ALOX5: variants seen among roughly 807,000 people sequenced by gnomAD.
The protein encoded by ALOX5 is arachidonate 5-lipoxygenase, also known as polyunsaturated fatty acid 5-lipoxygenase.
In ALOX5, 64 loss-of-function variants were observed where a neutral mutation model predicts 87.9. The observed-to-expected ratio is 0.73, with a 90% CI of 0.60 to 0.90. ALOX5 has a LOEUF of 0.90. Among genes scored for constraint, ALOX5 ranks in the 40% least tolerant of loss-of-function variants. ALOX5 has a pLI of 0.00. For synonymous variants in ALOX5, 388 were observed against 355.1 expected (o/e 1.09, Z -1.04); for missense variants, 822 against 907.5 (o/e 0.91, Z 1.21).
intron 7 of ALOX5, among the ~76,000 whole-genome samples, chr10:45,433,670 T>C (rs993438168): frequency 6.6e-6 from 1 of 152,134 alleles, no homozygotes; most frequent in Non-Finnish European, 1.5e-5. Context: ...TATCTTGAAG[T>C]GGGGGTGGGC....
Position 45,425,456 on chromosome 10 carries a change from G to A in ALOX5, c.834+324G>A, listed in dbSNP as rs1227418756. Among the ~76,000 whole-genome samples the A allele has an allele frequency of 6.6e-6, 1 of 152,190 alleles. No homozygotes were observed. Among genetic ancestry groups the A allele is most frequent in the East Asian group, 1.9e-4 (1 of 5,200 alleles). On this transcript the variant is annotated intron_variant, in intron 6 of 13. Coordinates refer to ENST00000374391, the MANE Select transcript of ALOX5 (RefSeq NM_000698.5). This position sits in a 1 kb window ranked among gnomAD's most constrained non-coding sequence, Gnocchi z 4.4. ...AGGGGCCTGTGGTGGGACAGGCATT[G>A]TGACAGGTGCTTTACACACAAGGTC...
intron 10 of ALOX5, 68 bp from the exon 11 acceptor site, chr10:45,443,348 G>C: frequency 6.3e-7 from 1 of 1,591,508 alleles, no homozygotes; most frequent in Non-Finnish European, 8.6e-7. Context: ...TCCGTGAGGG[G>C]GTTGCCGCCG....
intron 7 of ALOX5, among the ~76,000 whole-genome samples, chr10:45,431,041 G>T (rs1441775015): frequency 1.3e-5 from 2 of 152,132 alleles, no homozygotes; most frequent in African/African-American, 4.8e-5. Flanking sequence ...ACCAAGCAGG[G>T]TTTATTCCAG....
intron 1 of ALOX5, among the ~76,000 whole-genome samples, chr10:45,378,217 A>G (rs1052061764): frequency 1.4e-4 from 22 of 152,192 alleles, no homozygotes; most frequent in African/African-American, 5.3e-4. Flanking sequence ...ATGCCACTCC[A>G]CATTGCCCCT....
chr10:45,383,185 G>C (rs1384478771), intron 2 of ALOX5, among the ~76,000 whole-genome samples: 1 of 152,262 alleles, frequency 6.6e-6, no homozygotes, highest in Non-Finnish European at 1.5e-5. Context: ...GGACAAGCCT[G>C]CAAATCACAG....
At position 45,387,115 on chromosome 10, in the gene ALOX5, G is replaced by A. The variant is rs74128484; in HGVS notation, c.349+4434G>A. On this transcript the variant is annotated intron_variant, in intron 2 of 13. Transcript: ENST00000374391. Reference sequence around the variant, plus strand: ...TCTCCCCAAATGCACACCATGACCCGGAGAAGTAGGCATTATCATCTCCAT... The same window carrying A: ...TCTCCCCAAATGCACACCATGACCCAGAGAAGTAGGCATTATCATCTCCAT... Among the ~76,000 whole-genome samples, 535 of 152,288 alleles carry A rather than the reference G, an allele frequency of 3.5e-3. 3 individuals carry two copies. Among genetic ancestry groups the A allele is most frequent in the African/African-American group, 0.012 (493 of 41,564 alleles).
At chr10:45,393,783 G>A (rs1046644594) in intron 2 of ALOX5, among the ~76,000 whole-genome samples, 19 of 152,142 alleles carry the variant, frequency 1.2e-4, no homozygotes, top group African/African-American at 4.1e-4. Flanking sequence ...CAATGTGCAA[G>A]AATCACAAGC....
At chr10:45,411,781 T>C (rs1841073102) in intron 3 of ALOX5, among the ~76,000 whole-genome samples, 2 of 152,184 alleles carry the variant, frequency 1.3e-5, no homozygotes, top group Admixed American at 6.5e-5. Context: ...ACTGATCAAG[T>C]TGGCAGAATG....
rs957478833 is a variant in ALOX5, at chr10:45,443,644, G to A, written c.1574-84G>A. 5 of 1,593,350 alleles carry A rather than the reference G, an allele frequency of 3.1e-6. No individual in the cohort carries two copies. The African/African-American group carries it at 6.7e-5, about 21-fold the overall frequency. ...TGCCCAGGGTGCCCTCCGGCCTTGG[G>A]GCAGGGAATCCGGGCACGGGGTGGG... On this transcript the variant is annotated intron_variant, in intron 11 of 13. Coordinates refer to ENST00000374391, the MANE Select transcript of ALOX5 (RefSeq NM_000698.5).
intron 3 of ALOX5, among the ~76,000 whole-genome samples, chr10:45,405,624 C>T (rs913654173): frequency 3.2e-4 from 49 of 152,196 alleles, no homozygotes; most frequent in African/African-American, 1.1e-3. Context: ...TTTTGGGTTT[C>T]CTCCTTTGCT....
chr10:45,393,010 A>G (rs996856508), intron 2 of ALOX5, among the ~76,000 whole-genome samples: 3 of 152,206 alleles, frequency 2.0e-5, no homozygotes, highest in Non-Finnish European at 4.4e-5. Context: ...TCACAGCCGA[A>G]TTCTACCAGA....
Position 45,428,705 on chromosome 10 carries a change from G to T in ALOX5, c.922G>T (p.Ala308Ser), listed in dbSNP as rs28395872. The T allele has an allele frequency of 9.9e-6, 16 of 1,614,024 alleles. No individual in the cohort carries two copies. The Admixed American group carries it at 2.3e-4, about 24-fold the overall frequency. The change falls in exon 7 of 14, where the codon GCT (alanine) becomes TCT (serine). Residue 308 changes from alanine to serine, a missense_variant. Physicochemically the swap from Ala to Ser is moderately conservative, Grantham distance 99. Coordinates refer to ENST00000374391, the MANE Select transcript of ALOX5 (RefSeq NM_000698.5). The stretch of plus-strand genomic sequence containing the variant: ...CCCCTGCACACTCCAGTTCCTGGCC[G>T]CTCCCATCTGCTTGCTGTATAAGAA... Reference protein sequence around the residue: ...TDPCTLQFLAAPICLLYKNLA... With the variant: ...TDPCTLQFLASPICLLYKNLA...
In ALOX5 at chr10:45,443,720, C is replaced by T; in HGVS notation, c.1574-8C>T. 1 of 1,610,722 alleles carries T rather than the reference C, an allele frequency of 6.2e-7. No individual in the cohort carries two copies. Among genetic ancestry groups the T allele is most frequent in the Non-Finnish European group, 8.5e-7 (1 of 1,178,876 alleles). On this transcript the variant is annotated splice_region_variant and splice_polypyrimidine_tract_variant and intron_variant, in intron 11 of 13. Coordinates refer to ENST00000374391, the MANE Select transcript of ALOX5 (RefSeq NM_000698.5). ...CTGGGCCTCAGCCCGCCGGTGGTTC[C>T]ACCCTAGGCTTCCCCAAGTCGGTCA...
rs137888527 is a variant in ALOX5 at position 45,432,981 on chromosome 10, A to T, written c.981+4217A>T. Among the ~76,000 whole-genome samples the T allele has an allele frequency of 2.6e-3, 399 of 152,376 alleles. 2 individuals are homozygous for T. The highest frequency in any genetic ancestry group is 8.7e-3 in the African/African-American group (361 of 41,580). On this transcript the variant is annotated intron_variant, in intron 7 of 13. Transcript: ENST00000374391. ...CGGGAAAATACCAATACTCCAGTGG[A>T]AAAATGAGCAGAGAATATGAATAGG...
chr10:45,429,098 G>C (rs1034556712), intron 7 of ALOX5, among the ~76,000 whole-genome samples: 1 of 152,200 alleles, frequency 6.6e-6, no homozygotes, highest in African/African-American at 2.4e-5. Flanking sequence ...TGGAGACCAA[G>C]ACCACTGAGG....
chr10:45,438,775 A>T (rs1842134000), intron 7 of ALOX5, among the ~76,000 whole-genome samples: 1 of 152,260 alleles, frequency 6.6e-6, no homozygotes, highest in African/African-American at 2.4e-5. Context: ...AAACCAGGTC[A>T]TTCAAATTTT....
chr10:45,445,833 G>C lies in ALOX5; in HGVS notation c.*146G>C. 1 of 885,438 alleles carries C rather than the reference G, an allele frequency of 1.1e-6. No individual in the cohort carries two copies. The highest frequency in any genetic ancestry group is 2.7e-5 in the Admixed American group (1 of 37,268). The allele number at this position is 885,438 out of a possible 1,614,324, so 54.8% of individuals were successfully genotyped here. A position where few individuals can be genotyped will look rare whatever the true frequency, so the allele number is the denominator to read the frequency against. ...CTTTCCATTTATTCTTTGATCTTCA[G>C]GGAACTGCATAGATTGATCAAAGTG... On this transcript the variant is annotated 3_prime_UTR_variant, in exon 14 of 14. Coordinates refer to ENST00000374391, the MANE Select transcript of ALOX5 (RefSeq NM_000698.5).
Position 45,382,671 on chromosome 10 carries a change from G to A in ALOX5, c.339G>A (p.Arg113=), listed in dbSNP as rs375527698. 7 of 1,612,560 alleles carry A rather than the reference G, an allele frequency of 4.3e-6. No individual in the cohort carries two copies. The African/African-American group carries it at 5.3e-5, about 12-fold the overall frequency. ...WITGDVEVVL[R]DGRAKLARDD... is the part of the protein sequence containing the mutation. ...CCGGCGATGTCGAGGTTGTCCTGAG[G>A]GATGGACGCGGTGAGCAGCTCAGGC... The change falls in exon 2 of 14, where the codon AGG becomes AGA. Residue 113 remains arginine, a synonymous_variant. Coordinates refer to ENST00000374391, the MANE Select transcript of ALOX5 (RefSeq NM_000698.5).
Position 45,395,882 on chromosome 10 carries a change from A to G in ALOX5, c.377A>G (p.His126Arg), listed in dbSNP as rs1840481859. The G allele has an allele frequency of 6.2e-7, 1 of 1,614,136 alleles. No homozygotes were observed. Among genetic ancestry groups the G allele is most frequent in the Admixed American group, 1.7e-5 (1 of 60,016 alleles). The change falls in exon 3 of 14, where the codon CAC becomes CGC. Residue 126 changes from histidine (H) to arginine (R), a missense_variant. Physicochemically the swap from His to Arg is conservative, Grantham distance 29. Coordinates refer to ENST00000374391, the MANE Select transcript of ALOX5 (RefSeq NM_000698.5). ...RAKLARDDQI[H>R]ILKQHRRKEL... ...AAGTTGGCCCGAGATGACCAAATTC[A>G]CATTCTCAAGCAACACCGACGTAAA...
Sources: gnomAD v4.1 joint callset for allele counts (sites outside exome capture counted in the v4.1 genomes callset) on GRCh38, gnomAD v4.1.1 for gene constraint, Gnocchi (gnomAD v3.1) non-coding constraint, MANE v1.5 for transcripts, NCBI Gene and HGNC (gene_info 2026-07-23, HGNC 2026-07-21) for gene names.